Variants in PCDHGA8 observed in about 807,000 individuals in gnomAD.
The protein encoded by PCDHGA8 is protocadherin gamma subfamily A, 8.
In PCDHGA8, 45 loss-of-function variants were observed where a neutral mutation model predicts 59.2. The observed-to-expected ratio is 0.76, with a 90% CI of 0.60 to 0.98. PCDHGA8 has a LOEUF of 0.98. PCDHGA8 is among the 50% of genes least tolerant of loss of function. The pLI is 0.00. For missense variants in PCDHGA8, 1,257 were observed against 1,196.2 expected (o/e 1.05, Z -0.75); for synonymous variants, 531 against 519.0 (o/e 1.02, Z -0.32).
At chr5:141,404,780 A>G (rs746373854) in intron 1 of PCDHGA8, 2 of 1,612,764 alleles carry the variant, frequency 1.2e-6, no homozygotes, top group African/African-American at 1.3e-5. Flanking sequence ...CCGCCTATTC[A>G]AGGCCAGTGA....
chr5:141,393,322 A>C lies in PCDHGA8; in HGVS notation c.509A>C (p.Tyr170Ser), dbSNP rs780040037. ...GTGGGCGTGAACTCCCTCCAGAGCT[A>C]CCAGCTCAGCCCCAATCACCACTTC... Reference protein sequence around the residue: ...PDVGVNSLQSYQLSPNHHFSL... With the variant: ...PDVGVNSLQSSQLSPNHHFSL... The change falls in exon 1 of 4, where the codon TAC (tyrosine) becomes TCC (serine). Residue 170 changes from tyrosine (Y) to serine (S), a missense_variant. Transcript: ENST00000398604. 21 of 1,611,334 alleles carry C rather than the reference A, an allele frequency of 1.3e-5. No individual in the cohort carries two copies. The highest frequency in any genetic ancestry group is 1.6e-4 in the Middle Eastern group (1 of 6,080).
At chr5:141,463,493 G>C (rs2099061978) in intron 1 of PCDHGA8, among the ~76,000 whole-genome samples, 1 of 128,844 alleles carries the variant, frequency 7.8e-6, no homozygotes, top group Admixed American at 9.6e-5. Flanking sequence ...CTGTCACCCA[G>C]GCTGGAGTGA....
At chr5:141,427,386 A>G (rs2097020887) in intron 1 of PCDHGA8, 1 of 459,098 alleles carries the variant, frequency 2.2e-6, no homozygotes, top group Non-Finnish European at 4.4e-6. Context: ...CACTCTGTTC[A>G]AAACACATGA....
chr5:141,441,885 CA>C, intron 1 of PCDHGA8: 1 of 345,036 alleles, frequency 2.9e-6, no homozygotes. Context: ...ACCTGGTCAC[CA>C]AGGTGGTGGC....
chr5:141,456,275 G>A (rs1234663731), intron 1 of PCDHGA8, among the ~76,000 whole-genome samples: 1 of 152,142 alleles, frequency 6.6e-6, no homozygotes, highest in Non-Finnish European at 1.5e-5. Flanking sequence ...GCTACTTCCT[G>A]CTGAAAAGGG....
intron 1 of PCDHGA8, chr5:141,475,926 G>C: frequency 4.8e-6 from 3 of 619,440 alleles, no homozygotes; most frequent in East Asian, 2.9e-5. Context: ...GCTGGAGATC[G>C]GGCCCCTGCC....
chr5:141,422,226 G>A (rs766346054), intron 1 of PCDHGA8: 1 of 1,565,844 alleles, frequency 6.4e-7, no homozygotes, highest in East Asian at 2.2e-5. Flanking sequence ...CCACCACGAC[G>A]ATGTTGATCA....
chr5:141,455,924 G>A (rs2098837630), intron 1 of PCDHGA8, among the ~76,000 whole-genome samples: 1 of 149,978 alleles, frequency 6.7e-6, no homozygotes. Flanking sequence ...TTGAGACGGA[G>A]TCTCGCTCTG....
rs951185891 is a variant in PCDHGA8, at chr5:141,494,814, C to T, written c.2432C>T (p.Pro811Leu). 7 of 1,614,152 alleles carry T rather than the reference C, an allele frequency of 4.3e-6. No individual in the cohort carries two copies. The highest frequency in any genetic ancestry group is 1.7e-5 in the Admixed American group (1 of 60,024). Residue 811 changes from proline to leucine, a missense_variant, in exon 2 of 4, where the codon CCG becomes CTG. By Grantham distance (98) the Pro-to-Leu change is moderately conservative (BLOSUM62 -3). Transcript: ENST00000398604. The part of the protein sequence containing the change: ...KNEADHGQQA[P>L]PNTDWRFSQA... ...CCTCTGTTTTCTCCACAGCAAGCCCCGCCCAACACGGACTGGCGTTTCTCT... is the reference window on the plus strand; with the variant it reads ...CCTCTGTTTTCTCCACAGCAAGCCCTGCCCAACACGGACTGGCGTTTCTCT...
rs1458508114 is a variant in PCDHGA8, at chr5:141,489,523, C to T, written c.2425-5284C>T. ...GAATCAAAAGATTGACCGAGAAAGC[C>T]TATGTGGAGCCAGCACCAGCTGCCT... On this transcript the variant is annotated intron_variant, in intron 1 of 3. Transcript: ENST00000398604. This position sits in a 1 kb window ranked among gnomAD's most constrained non-coding sequence, Gnocchi z 4.5. The T allele has an allele frequency of 3.5e-5, 56 of 1,614,006 alleles. No homozygotes were observed. The highest frequency in any genetic ancestry group is 4.5e-5 in the Non-Finnish European group (53 of 1,180,044).
chr5:141,475,343 G>C (rs1425482944), intron 1 of PCDHGA8, among the ~76,000 whole-genome samples: 3 of 152,178 alleles, frequency 2.0e-5, no homozygotes, highest in Non-Finnish European at 2.9e-5. Context: ...ATGACATCCA[G>C]TTTTAAAAGA....
intron 1 of PCDHGA8, chr5:141,414,681 G>A: frequency 6.2e-7 from 1 of 1,613,954 alleles, no homozygotes; most frequent in African/African-American, 1.3e-5. Context: ...CCATCCAGGG[G>A]GTACCTCTGT....
rs770010951 is a variant in PCDHGA8 at position 141,408,783 on chromosome 5, T to A, written c.2424+13546T>A. On this transcript the variant is annotated intron_variant, in intron 1 of 3. Transcript: ENST00000398604. ...TCCGATGGTGGCAAATACCCAGAGT[T>A]ATCTCTGGAGAAACTCCTAGACCGG... 26 of 1,612,386 alleles carry A rather than the reference T, an allele frequency of 1.6e-5. No homozygotes were observed. The East Asian group carries it at 5.8e-4, about 36-fold the overall frequency.
At chr5:141,421,119 C>T (rs542039688) in intron 1 of PCDHGA8, 1 of 772,768 alleles carries the variant, frequency 1.3e-6, no homozygotes, top group Non-Finnish European at 2.0e-6. Flanking sequence ...TATTTTCCTT[C>T]GCTTTCTGAT....
chr5:141,427,646 C>A, intron 1 of PCDHGA8: 1 of 715,440 alleles, frequency 1.4e-6, no homozygotes, highest in East Asian at 2.7e-5. Context: ...ACCAAGTCTC[C>A]TACGTGGTCC....
chr5:141,398,222 A>C, intron 1 of PCDHGA8: 2 of 1,483,320 alleles, frequency 1.3e-6, no homozygotes, highest in Non-Finnish European at 1.8e-6. Flanking sequence ...CTCTGTGAGC[A>C]GATCCGCTAC....
At chr5:141,484,425 A>G (rs2099596309) in intron 1 of PCDHGA8, among the ~76,000 whole-genome samples, 3 of 152,192 alleles carry the variant, frequency 2.0e-5, no homozygotes, top group African/African-American at 7.2e-5. Flanking sequence ...TACAATGAGA[A>G]CATGTACTGC....
chr5:141,481,312 T>C (rs953898526), intron 1 of PCDHGA8, among the ~76,000 whole-genome samples: 1 of 152,200 alleles, frequency 6.6e-6, no homozygotes, highest in Non-Finnish European at 1.5e-5. Flanking sequence ...AAAACCTTCC[T>C]AAAGCACTAG....
At chr5:141,414,396 A>G in intron 1 of PCDHGA8, 1 of 1,613,884 alleles carries the variant, frequency 6.2e-7, no homozygotes, top group Non-Finnish European at 8.5e-7. Flanking sequence ...GTTATTACAG[A>G]TTGGTGATAC....
Sources: gnomAD v4.1 joint callset for allele counts (sites outside exome capture counted in the v4.1 genomes callset) on GRCh38, gnomAD v4.1.1 for gene constraint, Gnocchi (gnomAD v3.1) non-coding constraint, MANE v1.5 for transcripts, NCBI Gene and HGNC (gene_info 2026-07-23, HGNC 2026-07-21) for gene names.